The following PDGFRL variants were observed in gnomAD, a reference collection of about 807,000 sequenced individuals.
The protein encoded by PDGFRL is platelet derived growth factor receptor like.
PDGFRL carries 46 observed loss-of-function variants against 37.2 expected under a neutral mutation model. The observed-to-expected ratio is 1.24, with a 90% CI of 0.98 to 1.58. PDGFRL has a LOEUF of 1.58. PDGFRL is among the 40% of genes most tolerant of loss of function. PDGFRL has a pLI of 0.00. For missense variants in PDGFRL, 692 were observed against 467.6 expected, an observed-to-expected ratio of 1.48 and a Z score of -4.43; for synonymous variants, 251 against 184.3, an observed-to-expected ratio of 1.36 and a Z score of -2.93.
At chr8:17,581,658 T>C (rs1803710113) in intron 1 of PDGFRL, among the ~76,000 whole-genome samples, 1 of 151,834 alleles carries the variant, frequency 6.6e-6, no homozygotes, top group Non-Finnish European at 1.5e-5. Flanking sequence ...TTAAAGAGAG[T>C]CTGGTCCCTC....
intron 3 of PDGFRL, among the ~76,000 whole-genome samples, chr8:17,623,305 A>G (rs1299179998): frequency 6.6e-6 from 1 of 152,200 alleles, no homozygotes; most frequent in Admixed American, 6.5e-5. Context: ...AGAATTGCTA[A>G]TAATTGTTCA....
chr8:17,587,039 T>G (rs1212278663), intron 1 of PDGFRL, among the ~76,000 whole-genome samples: 3 of 152,074 alleles, frequency 2.0e-5, no homozygotes, highest in African/African-American at 7.2e-5. Context: ...GGCTGAAGAG[T>G]CATATTCTTT....
chr8:17,582,774 C>T (rs1180084562), intron 1 of PDGFRL, among the ~76,000 whole-genome samples: 2 of 152,112 alleles, frequency 1.3e-5, no homozygotes, highest in East Asian at 1.9e-4. Context: ...CTGCTTGAAT[C>T]ATGCTAGTAG....
In PDGFRL at chr8:17,628,643, C is replaced by G. The variant is rs145072413; in HGVS notation, c.662C>G (p.Thr221Arg). Reference sequence around the variant, plus strand: ...GCCAAGGAGATCCCAGCCAATGGAACGGACATTGTTTATGACATGAAGCGG... The same window carrying G: ...GCCAAGGAGATCCCAGCCAATGGAAGGGACATTGTTTATGACATGAAGCGG... Reference protein sequence around the residue: ...FPAKEIPANGTDIVYDMKRGF... With the variant: ...FPAKEIPANGRDIVYDMKRGF... The change falls in exon 4 of 6, where the codon ACG becomes AGG. Residue 221 changes from threonine (T) to arginine (R), a missense_variant. By Grantham distance (71) the Thr-to-Arg change is moderately conservative. Transcript: ENST00000251630. 2.5e-6 allele frequency: 4 copies of G among 1,614,174 alleles called. No homozygotes were observed. Among genetic ancestry groups the G allele is most frequent in the South Asian group, 1.1e-5 (1 of 91,080 alleles).
chr8:17,637,547 C>A (rs966132122), intron 5 of PDGFRL, among the ~76,000 whole-genome samples: 1 of 152,008 alleles, frequency 6.6e-6, no homozygotes, highest in South Asian at 2.1e-4. Context: ...TTGTTATGTC[C>A]TTTCCTGGTT....
intron 3 of PDGFRL, among the ~76,000 whole-genome samples, chr8:17,623,272 C>G (rs1804666919): frequency 6.6e-6 from 1 of 152,150 alleles, no homozygotes; most frequent in Non-Finnish European, 1.5e-5. Context: ...CAGATTCTAG[C>G]TAGCATAACT....
chr8:17,621,307 C>A (rs1343503451), intron 3 of PDGFRL, 105 bp downstream of exon 3: 6 of 693,054 alleles, frequency 8.7e-6, no homozygotes, highest in Non-Finnish European at 9.5e-6. Context: ...ACAATCAGAG[C>A]ACTTCCTGTT....
At chr8:17,627,829 A>G (rs10087384) in intron 3 of PDGFRL, among the ~76,000 whole-genome samples, 22,578 of 151,616 alleles carry the variant, frequency 0.15, 2,610 homozygotes, top group African/African-American at 0.32. Context: ...TTCAAACTAT[A>G]TATTATAGTA....
chr8:17,614,718 A>G (rs908759125), intron 2 of PDGFRL, among the ~76,000 whole-genome samples: 4 of 152,204 alleles, frequency 2.6e-5, no homozygotes, highest in African/African-American at 7.2e-5. Flanking sequence ...AGCTGGGACT[A>G]TAGGCTGGCA....
At chr8:17,576,776 G>A (rs1055165144), upstream of PDGFRL, 58 of 662,710 alleles carry the variant, frequency 8.8e-5, no homozygotes, top group Middle Eastern at 7.8e-4. Flanking sequence ...TGCATGTGGG[G>A]GAGAGAAATG....
intron 5 of PDGFRL, among the ~76,000 whole-genome samples, chr8:17,636,358 A>C (rs189493832): frequency 5.3e-4 from 80 of 152,260 alleles, no homozygotes; most frequent in African/African-American, 1.9e-3. Flanking sequence ...TCCCAGCACC[A>C]TTTGGTGAAT....
chr8:17,631,875 C>T (rs1302657115), intron 4 of PDGFRL, among the ~76,000 whole-genome samples: 1 of 152,222 alleles, frequency 6.6e-6, no homozygotes, highest in Admixed American at 6.5e-5. Context: ...CCCCAGGCAC[C>T]CTTCTTTCCC....
intron 1 of PDGFRL, among the ~76,000 whole-genome samples, chr8:17,578,615 A>G (rs946997510): frequency 6.6e-6 from 1 of 152,166 alleles, no homozygotes; most frequent in Admixed American, 6.5e-5. Flanking sequence ...CATTTTTTGA[A>G]TAGGGCAGGA....
chr8:17,642,974 A>G lies in PDGFRL; in HGVS notation c.*173A>G, dbSNP rs1371710128. 7.2e-6 allele frequency: 4 copies of G among 554,636 alleles called. No homozygotes were observed. In the African/African-American group the frequency reaches 7.6e-5, roughly 11 times the overall value. 34.4% of individuals were successfully genotyped at this position (554,636 alleles called of 1,614,324 possible). ...AAACTAAAAGGAAGTCATCCAGTCT[A>G]TTCACAGAAGTGTTAACTTTTCTAA... On this transcript the variant is annotated 3_prime_UTR_variant, in exon 6 of 6. Coordinates refer to ENST00000251630, the MANE Select transcript of PDGFRL (RefSeq NM_001372073.1).
intron 2 of PDGFRL, among the ~76,000 whole-genome samples, chr8:17,615,276 A>T (rs117841090): frequency 0.025 from 3,829 of 151,386 alleles, 63 homozygotes; most frequent in Non-Finnish European, 0.031. Flanking sequence ...TTCTGAGCTC[A>T]TTTAACTGGA....
chr8:17,578,911 C>G (rs1410560090), intron 1 of PDGFRL, among the ~76,000 whole-genome samples: 1 of 152,186 alleles, frequency 6.6e-6, no homozygotes, highest in Non-Finnish European at 1.5e-5. Flanking sequence ...TAAAAGTACA[C>G]ACATCTGGCC....
chr8:17,609,801 C>A (rs1197414030), intron 2 of PDGFRL, among the ~76,000 whole-genome samples: 1 of 152,084 alleles, frequency 6.6e-6, no homozygotes. Context: ...AAGAGACTTG[C>A]TCATGTTGCA....
At chr8:17,624,358 T>C (rs1158049962) in intron 3 of PDGFRL, among the ~76,000 whole-genome samples, 1 of 152,378 alleles carries the variant, frequency 6.6e-6, no homozygotes, top group Non-Finnish European at 1.5e-5. Flanking sequence ...AATTGCCGTA[T>C]GTATTTCCTC....
chr8:17,593,020 C>A (rs375910798), intron 2 of PDGFRL, among the ~76,000 whole-genome samples: 2 of 152,130 alleles, frequency 1.3e-5, no homozygotes, highest in African/African-American at 2.4e-5. Flanking sequence ...GTCTACTTAT[C>A]TCTCTTATCC....
Sources: gnomAD v4.1 joint callset for allele counts (sites outside exome capture counted in the v4.1 genomes callset) on GRCh38, gnomAD v4.1.1 for gene constraint, MANE v1.5 for transcripts, NCBI Gene and HGNC (gene_info 2026-07-23, HGNC 2026-07-21) for gene names.